Variants in SPINT1 observed in about 807,000 individuals in gnomAD.
SPINT1 encodes the protein kunitz-type protease inhibitor 1.
In SPINT1, 38 loss-of-function variants were observed where a neutral mutation model predicts 53.7. The ratio of observed to expected loss-of-function variants is 0.71; its 90% CI spans 0.55 to 0.93. The LOEUF is 0.93. SPINT1 is among the 40% of genes least tolerant of loss of function. SPINT1 has a pLI of 0.00. For missense variants in SPINT1, 645 were observed against 692.9 expected (o/e 0.93, Z 0.78); for synonymous variants, 283 against 280.6 (o/e 1.01, Z -0.08).
Position 40,856,777 on chromosome 15 carries a change from G to A in SPINT1, c.1344G>A (p.Val448=). Residue 448 remains valine (V), a synonymous_variant, in exon 11 of 11, where the codon GTG becomes GTA. Transcript: ENST00000562057. ...REIPIPSTGS[V]EMAVAVFLVI... ...TACCCCTTCTTCCCCCAGGCTCTGT[G>A]GAGATGGCTGTCGCAGTGTTCCTGG... The A allele has an allele frequency of 6.2e-7, 1 of 1,614,166 alleles. No individual in the cohort carries two copies. Among genetic ancestry groups the A allele is most frequent in the Admixed American group, 1.7e-5 (1 of 60,014 alleles).
At chr15:40,853,336 G>T (rs1891519964) in intron 3 of SPINT1, 85 bp downstream of exon 3, 1 of 1,604,928 alleles carries the variant, frequency 6.2e-7, no homozygotes, top group East Asian at 2.2e-5. Flanking sequence ...CCAACCAATG[G>T]CCCCGGATGG....
chr15:40,851,015 AT>A (rs1452266043), intron 2 of SPINT1, among the ~76,000 whole-genome samples: 2 of 151,950 alleles, frequency 1.3e-5, no homozygotes, highest in Admixed American at 1.3e-4. Flanking sequence ...GTTGTTTAAT[AT>A]TTGAATGTTA....
chr15:40,853,145 G>A lies in SPINT1; in HGVS notation c.497G>A (p.Trp166Ter), dbSNP rs780307229. The stretch of plus-strand genomic sequence containing the variant: ...CCAGGGTCTGGGATCCCCAAGGCCT[G>A]GGCAGGCATAGACTTGAAGGTACAA... ...GFGGSGIPKAWAGIDLKVQPQ... is the reference protein window; with the variant it reads ...GFGGSGIPKA Residue 166 changes from tryptophan to a stop codon, truncating the protein, a stop_gained, in exon 3 of 11, where the codon TGG (tryptophan) becomes TAG (stop). Coordinates refer to ENST00000562057, the MANE Select transcript of SPINT1 (RefSeq NM_003710.4). LOFTEE classifies it high-confidence loss of function. The A allele has an allele frequency of 3.7e-6, 6 of 1,614,104 alleles. No individual in the cohort carries two copies. In the South Asian group the frequency reaches 5.5e-5, roughly 15 times the overall value.
rs182093669 is a variant in SPINT1, at chr15:40,850,861, C to T, written c.476-2263C>T. 3.2e-3 allele frequency among the ~76,000 whole-genome samples: 482 copies of T among 152,346 alleles called. 4 individuals are homozygous for T. Among genetic ancestry groups the T allele is most frequent in the Middle Eastern group, 0.017 (5 of 294 alleles). On this transcript the variant is annotated intron_variant, in intron 2 of 10. Coordinates refer to ENST00000562057, the MANE Select transcript of SPINT1 (RefSeq NM_003710.4). ...AGCTGCTGCTCAGAGCTCAGGAGTG[C>T]TCCTGCTGCCCAAGCCCTGGGCCCC...
At position 40,858,087 on chromosome 15, in the gene SPINT1, C is replaced by G. The variant is rs1179764975; in HGVS notation, c.*1112C>G. On this transcript the variant is annotated 3_prime_UTR_variant, in exon 11 of 11. Coordinates refer to ENST00000562057, the MANE Select transcript of SPINT1 (RefSeq NM_003710.4). ...TGCGCTGGAGTGCAGCACCCCCAACCAGGCTCTGAGCTCCTTCCCAGGAGC... is the reference window on the plus strand; with the variant it reads ...TGCGCTGGAGTGCAGCACCCCCAACGAGGCTCTGAGCTCCTTCCCAGGAGC... The G allele has an allele frequency of 2.0e-5, 3 of 151,802 alleles. No individual in the cohort carries two copies. The highest frequency in any genetic ancestry group is 4.4e-5 in the Non-Finnish European group (3 of 68,002). 9.4% of individuals were successfully genotyped at this position (151,802 alleles called of 1,614,324 possible).
chr15:40,853,758 C>T lies in SPINT1; in HGVS notation c.790C>T (p.Pro264Ser). The T allele has an allele frequency of 6.2e-7, 1 of 1,614,184 alleles. No homozygotes were observed. Among genetic ancestry groups the T allele is most frequent in the Admixed American group, 1.7e-5 (1 of 60,022 alleles). ...GGTGGGTCGCTGCCGGGGCTCTTTC[C>T]CACGCTGGTACTATGACCCCACGGA... ...NKVGRCRGSF[P>S]RWYYDPTEQI... Residue 264 changes from proline (P) to serine (S), a missense_variant, in exon 5 of 11, where the codon CCA becomes TCA. Transcript: ENST00000562057.
chr15:40,858,031 C>G lies in SPINT1; in HGVS notation c.*1056C>G, dbSNP rs1318889245. The G allele has an allele frequency of 6.6e-6, 1 of 152,166 alleles. No individual in the cohort carries two copies. Among genetic ancestry groups the G allele is most frequent in the Non-Finnish European group, 1.5e-5 (1 of 68,024 alleles). 9.4% of individuals were successfully genotyped at this position (152,166 alleles called of 1,614,324 possible). Reference sequence around the variant, plus strand: ...TCCATGTTAGGGCCCAGGTGACTAGCTGTCTCCCTCCCAACAGAAGCCCTG... The same window carrying G: ...TCCATGTTAGGGCCCAGGTGACTAGGTGTCTCCCTCCCAACAGAAGCCCTG... On this transcript the variant is annotated 3_prime_UTR_variant, in exon 11 of 11. Coordinates refer to ENST00000562057, the MANE Select transcript of SPINT1 (RefSeq NM_003710.4).
At chr15:40,853,362 G>C (rs1043769323) in intron 3 of SPINT1, 111 bp downstream of exon 3, 1 of 1,599,184 alleles carries the variant, frequency 6.3e-7, no homozygotes, top group African/African-American at 1.3e-5. Context: ...GGTGGAGAGA[G>C]GCTGAAGATG....
At chr15:40,845,720 C>A (rs1460705262) in intron 2 of SPINT1, among the ~76,000 whole-genome samples, 1 of 152,126 alleles carries the variant, frequency 6.6e-6, no homozygotes. Flanking sequence ...GGACTCCTGA[C>A]CTCTGGCACT....
chr15:40,846,771 C>T (rs539193032), intron 2 of SPINT1, among the ~76,000 whole-genome samples: 2 of 152,300 alleles, frequency 1.3e-5, no homozygotes, highest in South Asian at 2.1e-4. Context: ...AAGGAGGGTC[C>T]TCTTTCCTCC....
In SPINT1 at chr15:40,854,099, C is replaced by T; in HGVS notation, c.940+13C>T. The T allele has an allele frequency of 6.5e-7, 1 of 1,535,208 alleles. No homozygotes were observed. The highest frequency in any genetic ancestry group is 1.4e-5 in the African/African-American group (1 of 72,200). ...AGGCGCCATCCAGGTGGGCTTTACT[C>T]CCCTCCCCATCCCCCATCCCCACCA... On this transcript the variant is annotated intron_variant, in intron 6 of 10. Transcript: ENST00000562057.
intron 2 of SPINT1, among the ~76,000 whole-genome samples, chr15:40,850,291 T>G (rs1836199266): frequency 6.6e-6 from 1 of 152,152 alleles, no homozygotes; most frequent in African/African-American, 2.4e-5. Flanking sequence ...AGGGTGGTCT[T>G]GAACTCCCAA....
chr15:40,846,401 T>C (rs1432148728), intron 2 of SPINT1, among the ~76,000 whole-genome samples: 1 of 152,156 alleles, frequency 6.6e-6, no homozygotes. Context: ...TCAGGCCTCA[T>C]CACAACAACT....
Position 40,853,121 on chromosome 15 carries a change from C to T in SPINT1, c.476-3C>T. ...ACCTTATCTCACTTTCTCTCCCCGC[C>T]AGGGTCTGGGATCCCCAAGGCCTGG... On this transcript the variant is annotated splice_polypyrimidine_tract_variant and splice_region_variant and intron_variant, in intron 2 of 10. Transcript: ENST00000562057. 6.2e-7 allele frequency: 1 copy of T among 1,613,428 alleles called. No individual in the cohort carries two copies. Among genetic ancestry groups the T allele is most frequent in the South Asian group, 1.1e-5 (1 of 91,032 alleles).
At chr15:40,854,769 AG>A in intron 8 of SPINT1, 80 bp downstream of exon 8, 1 of 1,563,308 alleles carries the variant, frequency 6.4e-7, no homozygotes, top group South Asian at 1.1e-5. Context: ...GCAGTGCCTG[AG>A]GGGCCTGCTG....
rs894110869 is a variant in SPINT1 at position 40,854,238 on chromosome 15, ATCG to A, written c.940+155_941-154del. ...AACATCCCACCCCTTCCAGCCCAGCATCGTCCTATGAGGATCTGCCCAGTTTGC... is the reference window on the plus strand; with the variant it reads ...AACATCCCACCCCTTCCAGCCCAGCATCCTATGAGGATCTGCCCAGTTTGC... On this transcript the variant is annotated intron_variant, in intron 6 of 10. Coordinates refer to ENST00000562057, the MANE Select transcript of SPINT1 (RefSeq NM_003710.4). 25 of 1,366,622 alleles carry A rather than the reference ATCG, an allele frequency of 1.8e-5. No individual in the cohort carries two copies. The African/African-American group carries it at 3.4e-4, about 18-fold the overall frequency. 84.7% of individuals were successfully genotyped at this position (1,366,622 alleles called of 1,614,324 possible). A position where few individuals can be genotyped will look rare whatever the true frequency, so the allele number is the denominator to read the frequency against.
At position 40,855,878 on chromosome 15, in the gene SPINT1, C is replaced by T; in HGVS notation, c.1118-14C>T. 6.2e-7 allele frequency: 1 copy of T among 1,607,932 alleles called. No individual in the cohort carries two copies. Among genetic ancestry groups the T allele is most frequent in the Non-Finnish European group, 8.5e-7 (1 of 1,175,478 alleles). On this transcript the variant is annotated splice_polypyrimidine_tract_variant and intron_variant, in intron 8 of 10. Coordinates refer to ENST00000562057, the MANE Select transcript of SPINT1 (RefSeq NM_003710.4). ...CATGGACTCGCTCACCATAGCCTACCCCATACCCCCCAGGGCACTGCGTGG... is the reference window on the plus strand; with the variant it reads ...CATGGACTCGCTCACCATAGCCTACTCCATACCCCCCAGGGCACTGCGTGG...
chr15:40,851,884 G>A (rs1891468944), intron 2 of SPINT1, among the ~76,000 whole-genome samples: 1 of 152,196 alleles, frequency 6.6e-6, no homozygotes. Context: ...AGCCGGGCAT[G>A]GTTGTGCACA....
rs914618919 is a variant in SPINT1, at chr15:40,847,918, G to A, written c.475+2889G>A. Among the ~76,000 whole-genome samples, 5 of 151,926 alleles carry A rather than the reference G, an allele frequency of 3.3e-5. No homozygotes were observed. In the South Asian group the frequency reaches 8.3e-4, roughly 25 times the overall value. ...ACAAAATGCAAGGAGGGAGGACTGC[G>A]CTCCTCCCAGCTCGCTACTCCCTTG... On this transcript the variant is annotated intron_variant, in intron 2 of 10. Coordinates refer to ENST00000562057, the MANE Select transcript of SPINT1 (RefSeq NM_003710.4).
Sources: gnomAD v4.1 joint callset for allele counts (sites outside exome capture counted in the v4.1 genomes callset) on GRCh38, gnomAD v4.1.1 for gene constraint, MANE v1.5 for transcripts, NCBI Gene and HGNC (gene_info 2026-07-23, HGNC 2026-07-21) for gene names.